The following SNAP47 variants were observed in gnomAD, a reference collection of about 807,000 sequenced individuals.
The protein encoded by SNAP47 is synaptosome associated protein 47, also known as synaptosomal-associated protein 47.
SNAP47 carries 20 observed loss-of-function variants against 31.4 expected under a neutral mutation model. That is an observed-to-expected ratio of 0.64 (90% CI 0.45 to 0.93). The LOEUF (loss-of-function observed/expected upper bound fraction) is 0.93. Among genes scored for constraint, SNAP47 ranks in the 40% least tolerant of loss-of-function variants. SNAP47 has a pLI of 0.00. For synonymous variants in SNAP47, 194 were observed against 213.4 expected (o/e 0.91, Z 0.79); for missense variants, 492 against 528.5 (o/e 0.93, Z 0.68).
intron 2 of SNAP47, among the ~76,000 whole-genome samples, chr1:227,757,148 T>C (rs1662749515): frequency 6.6e-6 from 1 of 152,258 alleles, no homozygotes; most frequent in Non-Finnish European, 1.5e-5. Flanking sequence ...CCTTTGTTTC[T>C]GGTTTTCAGC....
At chr1:227,776,049 G>T in intron 4 of SNAP47, 1 of 1,192,346 alleles carries the variant, frequency 8.4e-7, no homozygotes, top group Non-Finnish European at 1.1e-6. Context: ...TGTCAGCCAC[G>T]CATCAGTTGC....
intron 3 of SNAP47, 31 bp from the exon 4 acceptor site, chr1:227,766,928 T>G (rs776464147): frequency 1.2e-6 from 2 of 1,611,458 alleles, no homozygotes; most frequent in South Asian, 1.1e-5. Context: ...CTCCGAGAGA[T>G]GTCACTGCTG....
At chr1:227,740,544 AG>A (rs1316657431) in intron 1 of SNAP47, among the ~76,000 whole-genome samples, 2 of 152,172 alleles carry the variant, frequency 1.3e-5, no homozygotes, top group African/African-American at 4.8e-5. Context: ...AGTCTCATTC[AG>A]GGGGCACACA....
Position 227,752,415 on chromosome 1 carries a change from C to T in SNAP47, c.497+4182C>T, listed in dbSNP as rs78118228. On this transcript the variant is annotated intron_variant, in intron 2 of 4. Transcript: ENST00000617596. ...TGGCCACTCTCTCCCCGCTTCCCCA[C>T]CCGCCCCACACCTGCCCTTCTCTCT... Among the ~76,000 whole-genome samples the T allele has an allele frequency of 5.2e-3, 785 of 152,024 alleles. 14 individuals carry two copies. The highest frequency in any genetic ancestry group is 0.039 in the East Asian group (199 of 5,136).
chr1:227,740,963 G>A (rs966416728), intron 1 of SNAP47, among the ~76,000 whole-genome samples: 2 of 147,902 alleles, frequency 1.4e-5, no homozygotes, highest in African/African-American at 5.3e-5. Flanking sequence ...GGTGACAGGA[G>A]GGGCTGTGAA....
intron 4 of SNAP47, chr1:227,768,509 G>A (rs1009727334): frequency 5.3e-6 from 1 of 187,056 alleles, no homozygotes; most frequent in Non-Finnish European, 1.0e-5. Context: ...TTACGTGTCT[G>A]TGTAGGCATA....
At chr1:227,770,464 TG>T (rs1424743266) in intron 4 of SNAP47, 1 of 153,964 alleles carries the variant, frequency 6.5e-6, no homozygotes, top group Admixed American at 6.5e-5. Flanking sequence ...GGACCAGTTC[TG>T]GTGATTTGCT....
intron 4 of SNAP47, among the ~76,000 whole-genome samples, chr1:227,771,985 G>A (rs1663844769): frequency 2.0e-5 from 3 of 152,144 alleles, no homozygotes. Flanking sequence ...TGCACCAGCT[G>A]AACAGGTCAA....
intron 4 of SNAP47, among the ~76,000 whole-genome samples, chr1:227,767,913 G>A (rs1439530114): frequency 6.6e-6 from 1 of 152,242 alleles, no homozygotes; most frequent in Non-Finnish European, 1.5e-5. Context: ...TTTGTGCCTG[G>A]GAGGCTGGAA....
At chr1:227,769,716 G>C (rs1318158004) in intron 4 of SNAP47, among the ~76,000 whole-genome samples, 1 of 152,114 alleles carries the variant, frequency 6.6e-6, no homozygotes, top group Non-Finnish European at 1.5e-5. Context: ...GTGGAGGGTG[G>C]AGGGCCGGGG....
intron 4 of SNAP47, among the ~76,000 whole-genome samples, chr1:227,769,163 G>T (rs576964915): frequency 6.6e-6 from 1 of 152,190 alleles, no homozygotes; most frequent in Non-Finnish European, 1.5e-5. Flanking sequence ...CTCCCCTGGG[G>T]CTGCATGGGC....
At chr1:227,758,682 A>G (rs946155592) in intron 2 of SNAP47, among the ~76,000 whole-genome samples, 3 of 152,210 alleles carry the variant, frequency 2.0e-5, no homozygotes, top group African/African-American at 4.8e-5. Context: ...TTCATTTTGA[A>G]TCAAGATGAC....
At chr1:227,766,508 C>G (rs1663410082) in intron 3 of SNAP47, among the ~76,000 whole-genome samples, 1 of 152,184 alleles carries the variant, frequency 6.6e-6, no homozygotes, top group African/African-American at 2.4e-5. Context: ...CACCTCCCAC[C>G]TCGGTGGCGC....
In SNAP47 at chr1:227,767,034, A is replaced by C. The variant is rs1467228036; in HGVS notation, c.1064A>C (p.Gln355Pro). 2 of 1,613,938 alleles carry C rather than the reference A, an allele frequency of 1.2e-6. No homozygotes were observed. Among genetic ancestry groups the C allele is most frequent in the Non-Finnish European group, 1.7e-6 (2 of 1,180,038 alleles). Residue 355 changes from glutamine to proline, a missense_variant, in exon 4 of 5, where the codon CAG becomes CCG. Gln to Pro is a moderately conservative substitution (Grantham distance 76). Coordinates refer to ENST00000617596, the MANE Select transcript of SNAP47 (RefSeq NM_053052.4). ...GDQEGTALHL[Q>P]TSLPALSEAD... ...CAGGAGGGCACAGCACTGCACCTGC[A>C]GACAAGCCTGCCAGCCCTTTCTGAG...
rs147357835 is a variant in SNAP47, at chr1:227,751,924, T to C, written c.497+3691T>C. The stretch of plus-strand genomic sequence containing the variant: ...GACTGCAGGTGCCCGCTACCGCGCC[T>C]GGCTAATTTTTTTGTATTTTTTAGT... On this transcript the variant is annotated intron_variant, in intron 2 of 4. Coordinates refer to ENST00000617596, the MANE Select transcript of SNAP47 (RefSeq NM_053052.4). Among the ~76,000 whole-genome samples, 692 of 152,016 alleles carry C rather than the reference T, an allele frequency of 4.6e-3. 19 individuals are homozygous for C. In the South Asian group the frequency reaches 0.056, roughly 12 times the overall value.
At chr1:227,742,521 A>G (rs566739377) in intron 1 of SNAP47, among the ~76,000 whole-genome samples, 2 of 152,330 alleles carry the variant, frequency 1.3e-5, no homozygotes, top group African/African-American at 2.4e-5. Flanking sequence ...GTGCTGCAAC[A>G]CCAGTAACAG....
At chr1:227,734,430 G>T, upstream of SNAP47, 1 of 442,324 alleles carries the variant, frequency 2.3e-6, no homozygotes, top group Non-Finnish European at 4.0e-6. Context: ...AGGCTGAGGA[G>T]ATCTCTCTCA....
rs144647334 is a variant in SNAP47, at chr1:227,737,297, G to A, written c.-46+1798G>A. 3.9e-5 allele frequency among the ~76,000 whole-genome samples: 6 copies of A among 152,342 alleles called. No individual in the cohort carries two copies. In the East Asian group the frequency reaches 1.2e-3, roughly 29 times the overall value. ...CTCTGCGAGAGAGTGCAGAGTCTGG[G>A]CAGCATTTCCCAGGCGTCTTGACAG... On this transcript the variant is annotated intron_variant, in intron 1 of 4. Transcript: ENST00000617596.
At chr1:227,758,936 AG>A in intron 2 of SNAP47, 58 bp from the exon 3 acceptor site, 5 of 1,519,218 alleles carry the variant, frequency 3.3e-6, no homozygotes, top group Non-Finnish European at 4.4e-6. Flanking sequence ...CCAAAAAAAA[AG>A]GTATTACTCC....
Sources: gnomAD v4.1 joint callset for allele counts (sites outside exome capture counted in the v4.1 genomes callset) on GRCh38, gnomAD v4.1.1 for gene constraint, MANE v1.5 for transcripts, NCBI Gene and HGNC (gene_info 2026-07-23, HGNC 2026-07-21) for gene names.